Variants in PDGFRA observed in about 807,000 individuals in gnomAD.
PDGFRA encodes platelet derived growth factor receptor alpha.
PDGFRA carries 25 observed loss-of-function variants against 121.5 expected under a neutral mutation model. That is an observed-to-expected ratio of 0.21 (90% CI 0.15 to 0.29). PDGFRA has a LOEUF of 0.29. PDGFRA is among the 10% of genes least tolerant of loss of function. The probability of loss-of-function intolerance (pLI) is 1.00; values close to 1 mark genes in which losing one functional copy is unlikely to be tolerated. For missense variants in PDGFRA, 1,008 were observed against 1,345.1 expected (o/e 0.75, Z 3.92); for synonymous variants, 463 against 494.8 (o/e 0.94, Z 0.85).
chr4:54,234,005 G>A (rs1211150115), intron 1 of PDGFRA, among the ~76,000 whole-genome samples: 2 of 152,228 alleles, frequency 1.3e-5, no homozygotes, highest in African/African-American at 4.8e-5. Context: ...CGGTCCCCCT[G>A]CCCCGAGGGG....
chr4:54,274,651 G>C (rs1229022390), intron 11 of PDGFRA, 26 bp downstream of exon 11: 2 of 1,566,876 alleles, frequency 1.3e-6, no homozygotes, highest in African/African-American at 2.7e-5. Flanking sequence ...TAAAACTAAA[G>C]ATCTTTGAAG....
intron 2 of PDGFRA, 135 bp downstream of exon 2, chr4:54,258,952 T>C: frequency 9.1e-6 from 7 of 765,126 alleles, no homozygotes; most frequent in Non-Finnish European, 1.6e-5. Context: ...CTATAGGACG[T>C]TATCCAGAAT....
intron 7 of PDGFRA, 44 bp from the exon 8 acceptor site, chr4:54,270,589 T>A (rs771449474): frequency 1.0e-5 from 10 of 998,500 alleles, no homozygotes; most frequent in Non-Finnish European, 1.6e-5. Context: ...CAATTGGAAC[T>A]TACTTAGCTA....
chr4:54,292,838 T>C (rs1038752466), intron 22 of PDGFRA, among the ~76,000 whole-genome samples: 2 of 151,892 alleles, frequency 1.3e-5, no homozygotes, highest in African/African-American at 4.8e-5. Context: ...CGAGAACACA[T>C]GGACACAAAG....
intron 7 of PDGFRA, among the ~76,000 whole-genome samples, chr4:54,269,983 C>T (rs1206325634): frequency 1.3e-5 from 2 of 151,852 alleles, no homozygotes; most frequent in East Asian, 1.9e-4. Flanking sequence ...GATAGAATCC[C>T]GTGCTTGAAA....
chr4:54,290,292 A>G, intron 21 of PDGFRA, 21 bp from the exon 22 acceptor site: 3 of 1,591,280 alleles, frequency 1.9e-6, no homozygotes, highest in South Asian at 1.1e-5. Context: ...TTGATTAAAT[A>G]TGTTCAATGA....
intron 1 of PDGFRA, among the ~76,000 whole-genome samples, chr4:54,235,276 G>A (rs1408725413): frequency 6.6e-6 from 1 of 152,162 alleles, no homozygotes; most frequent in African/African-American, 2.4e-5. Flanking sequence ...TGTGAGGGTG[G>A]GGTGAAATTC....
chr4:54,258,786 G>A lies in PDGFRA; in HGVS notation c.18G>A (p.Pro6=), dbSNP rs753179440. 35 of 1,613,574 alleles carry A rather than the reference G, an allele frequency of 2.2e-5. No homozygotes were observed. The South Asian group carries it at 2.6e-4, about 12-fold the overall frequency. The part of the protein sequence containing the change: MGTSH[P]AFLVLGCLLT... ...CCAGAGCTATGGGGACTTCCCATCC[G>A]GCGTTCCTGGTCTTAGGCTGTCTTC... Residue 6 remains proline, a synonymous_variant, in exon 2 of 23, where the codon CCG becomes CCA. Coordinates refer to ENST00000257290, the MANE Select transcript of PDGFRA (RefSeq NM_006206.6).
At chr4:54,278,253 AC>A in intron 14 of PDGFRA, 108 bp from the exon 15 acceptor site, 2 of 701,954 alleles carry the variant, frequency 2.8e-6, no homozygotes, top group Admixed American at 2.6e-5. Context: ...AAAAAAAAAA[AC>A]TTTTTTGGTA....
chr4:54,287,039 CAT>C (rs1724397172), intron 18 of PDGFRA, among the ~76,000 whole-genome samples: 1 of 152,132 alleles, frequency 6.6e-6, no homozygotes, highest in African/African-American at 2.4e-5. Flanking sequence ...TTCATGTACT[CAT>C]GTGGCCGTGA....
intron 1 of PDGFRA, among the ~76,000 whole-genome samples, chr4:54,252,728 A>T (rs1722128481): frequency 6.6e-6 from 1 of 152,162 alleles, no homozygotes; most frequent in Non-Finnish European, 1.5e-5. Context: ...GTCTTTAATC[A>T]TGTGAGGGTG....
At chr4:54,292,872 A>T (rs1231628417) in intron 22 of PDGFRA, among the ~76,000 whole-genome samples, 1 of 152,108 alleles carries the variant, frequency 6.6e-6, no homozygotes, top group Non-Finnish European at 1.5e-5. Flanking sequence ...ACACCAGGGC[A>T]TAGTTGAGGG....
At chr4:54,280,857 G>T (rs1256159252) in intron 16 of PDGFRA, 2 of 168,184 alleles carry the variant, frequency 1.2e-5, no homozygotes, top group Admixed American at 5.8e-5. Context: ...TTTTTTTAAT[G>T]CCCTTACTTG....
At chr4:54,246,665 G>C (rs1194283829) in intron 1 of PDGFRA, among the ~76,000 whole-genome samples, 1 of 151,824 alleles carries the variant, frequency 6.6e-6, no homozygotes, top group Non-Finnish European at 1.5e-5. Context: ...AACTAGAAAA[G>C]CAAGAGCAAA....
intron 1 of PDGFRA, among the ~76,000 whole-genome samples, chr4:54,232,838 G>T (rs1333349722): frequency 6.6e-6 from 1 of 152,172 alleles, no homozygotes; most frequent in African/African-American, 2.4e-5. Flanking sequence ...GCCCACCTCG[G>T]CCTCCCAAAG....
At chr4:54,271,616 T>G (rs960939646) in intron 8 of PDGFRA, among the ~76,000 whole-genome samples, 1 of 145,350 alleles carries the variant, frequency 6.9e-6, no homozygotes, top group African/African-American at 2.5e-5. Context: ...CTTTCCTTTC[T>G]CTCCTTCCTT....
At chr4:54,253,857 T>G (rs57947817) in intron 1 of PDGFRA, among the ~76,000 whole-genome samples, 6,869 of 151,966 alleles carry the variant, frequency 0.045, 521 homozygotes, top group African/African-American at 0.16. Context: ...GCTAATGTTT[T>G]TATTTTTAGT....
chr4:54,294,408 G>T (rs1724777624), intron 22 of PDGFRA, among the ~76,000 whole-genome samples: 1 of 152,168 alleles, frequency 6.6e-6, no homozygotes, highest in African/African-American at 2.4e-5. Flanking sequence ...TGAGAAAGGT[G>T]CCCAGAAGTT....
At chr4:54,283,143 A>G (rs193017850) in intron 16 of PDGFRA, among the ~76,000 whole-genome samples, 7 of 152,224 alleles carry the variant, frequency 4.6e-5, no homozygotes, top group Admixed American at 2.0e-4. Context: ...CTCCCCTCGT[A>G]GCTTCACGAG....
Sources: gnomAD v4.1 joint callset for allele counts (sites outside exome capture counted in the v4.1 genomes callset) on GRCh38, gnomAD v4.1.1 for gene constraint, MANE v1.5 for transcripts, NCBI Gene and HGNC (gene_info 2026-07-23, HGNC 2026-07-21) for gene names.